Variants in RPS6KA3 observed in about 807,000 individuals in gnomAD.
RPS6KA3 encodes ribosomal protein S6 kinase A3.
A neutral mutation model predicts 67.2 loss-of-function variants in RPS6KA3; 4 were observed. That is an observed-to-expected ratio of 0.06 (90% confidence interval 0.03 to 0.14). RPS6KA3 has a LOEUF of 0.14. Among genes scored for constraint, RPS6KA3 ranks in the 10% least tolerant of loss-of-function variants. The pLI, the probability that RPS6KA3 is intolerant of heterozygous loss-of-function variation, is 1.00. For missense variants in RPS6KA3, 204 were observed against 559.0 expected, an observed-to-expected ratio of 0.36 and a Z score of 6.40; for synonymous variants, 182 against 183.7, an observed-to-expected ratio of 0.99 and a Z score of 0.07.
intron 4 of RPS6KA3, among the ~76,000 whole-genome samples, chrX:20,196,679 C>T (rs2068280447): frequency 8.9e-6 from 1 of 111,923 alleles, no homozygotes; most frequent in Admixed American, 9.5e-5. Flanking sequence ...TTTCATACCA[C>T]TGACTGAAAA....
intron 16 of RPS6KA3, among the ~76,000 whole-genome samples, chrX:20,168,010 G>T (rs2067483506): frequency 8.9e-6 from 1 of 111,870 alleles, no homozygotes; most frequent in Non-Finnish European, 1.9e-5. Context: ...ACCACACCTG[G>T]CTAATTTTTG....
chrX:20,194,087 G>A (rs1264127992), intron 6 of RPS6KA3, 102 bp downstream of exon 6: 3 of 526,091 alleles, frequency 5.7e-6, no homozygotes, highest in Non-Finnish European at 9.7e-6. Context: ...AGAATCTTGT[G>A]CCACTAGAGA....
chrX:20,159,011 A>G (rs1048210408), intron 20 of RPS6KA3, among the ~76,000 whole-genome samples: 1 of 112,076 alleles, frequency 8.9e-6, no homozygotes, highest in Non-Finnish European at 1.9e-5. Context: ...TCCTCTCAAA[A>G]CTACTTCTTT....
At chrX:20,264,130 T>C (rs1443021938) in intron 1 of RPS6KA3, among the ~76,000 whole-genome samples, 4 of 112,237 alleles carry the variant, frequency 3.6e-5, no homozygotes, top group African/African-American at 1.3e-4. Flanking sequence ...TTACTTGAAA[T>C]AGCTGAACAA....
intron 2 of RPS6KA3, among the ~76,000 whole-genome samples, chrX:20,230,860 T>C (rs1187443417): frequency 4.5e-5 from 5 of 111,492 alleles, no homozygotes; most frequent in Non-Finnish European, 5.7e-5. Flanking sequence ...ATGGAAAACA[T>C]AGCAGAAAAA....
chrX:20,160,431 TTTTA>T (rs2067279212), intron 20 of RPS6KA3, among the ~76,000 whole-genome samples: 1 of 111,710 alleles, frequency 9.0e-6, no homozygotes, highest in Non-Finnish European at 1.9e-5. Context: ...ATTTATTTAT[TTTTA>T]TTTATTTTTT....
intron 21 of RPS6KA3, 74 bp from the exon 22 acceptor site, chrX:20,155,594 GT>G: frequency 9.4e-7 from 1 of 1,059,793 alleles, no homozygotes; most frequent in Non-Finnish European, 1.3e-6. Context: ...AAAATGAAGA[GT>G]TTTTTCATAT....
intron 2 of RPS6KA3, among the ~76,000 whole-genome samples, chrX:20,232,067 A>C (rs188206102): frequency 1.0e-3 from 118 of 112,389 alleles, no homozygotes; most frequent in African/African-American, 3.4e-3. Flanking sequence ...GGTTAGGATA[A>C]CAGGCTATCT....
chrX:20,229,896 G>A lies in RPS6KA3; in HGVS notation c.126+4862C>T, dbSNP rs1306316925. On this transcript the variant is annotated intron_variant, in intron 2 of 21. Coordinates refer to ENST00000379565, the MANE Select transcript of RPS6KA3 (RefSeq NM_004586.3). Reference sequence around the variant, plus strand: ...TGTCTCTAGAATGCAGGTTCTTGCAGATGTAAATGCTACTAAAGCCATGAG... The same window carrying A: ...TGTCTCTAGAATGCAGGTTCTTGCAAATGTAAATGCTACTAAAGCCATGAG... 2.7e-5 allele frequency among the ~76,000 whole-genome samples: 3 copies of A among 112,145 alleles called. No individual in the cohort carries two copies. In the Admixed American group the frequency reaches 2.8e-4, roughly 11 times the overall value.
chrX:20,182,045 T>C lies in RPS6KA3; in HGVS notation c.845+4251A>G, dbSNP rs187946006. 1.8e-3 allele frequency among the ~76,000 whole-genome samples: 201 copies of C among 111,696 alleles called. 1 individual carries two copies. The highest frequency in any genetic ancestry group is 6.4e-3 in the African/African-American group (196 of 30,759). On this transcript the variant is annotated intron_variant, in intron 10 of 21. Transcript: ENST00000379565. ...ACATTCATTTATGTAGCACATCTTT[T>C]TAGACCTTTTATATTGTGTAGAATA...
At chrX:20,209,601 T>C (rs1463745183) in intron 2 of RPS6KA3, among the ~76,000 whole-genome samples, 197 bp from the exon 3 acceptor site, 3 of 111,914 alleles carry the variant, frequency 2.7e-5, no homozygotes, top group Non-Finnish European at 5.6e-5. Flanking sequence ...CACACACATA[T>C]ACTTTCAGGT....
At chrX:20,186,897 G>A (rs112400659) in intron 9 of RPS6KA3, among the ~76,000 whole-genome samples, 2,553 of 111,809 alleles carry the variant, frequency 0.023, 78 homozygotes, top group African/African-American at 0.079. Context: ...GCAGTGGCAC[G>A]ATCTTCACTC....
chrX:20,253,133 C>T (rs1490569688), intron 1 of RPS6KA3, among the ~76,000 whole-genome samples: 1 of 106,757 alleles, frequency 9.4e-6, no homozygotes, highest in Non-Finnish European at 1.9e-5. Flanking sequence ...AACCAAAGTG[C>T]TGTCTGCTTT....
chrX:20,174,638 C>T (rs1174400895), intron 14 of RPS6KA3, among the ~76,000 whole-genome samples: 1 of 110,135 alleles, frequency 9.1e-6, no homozygotes, highest in Admixed American at 9.7e-5. Context: ...TGAGCCACCG[C>T]ACCTGGCCTA....
intron 2 of RPS6KA3, among the ~76,000 whole-genome samples, chrX:20,210,673 C>T (rs1180301144): frequency 9.0e-6 from 1 of 111,639 alleles, no homozygotes; most frequent in Non-Finnish European, 1.9e-5. Context: ...TGTAGGTTAT[C>T]CTACTACTTA....
At chrX:20,222,506 T>G (rs2069009278) in intron 2 of RPS6KA3, among the ~76,000 whole-genome samples, 1 of 111,785 alleles carries the variant, frequency 8.9e-6, no homozygotes, top group Non-Finnish European at 1.9e-5. Flanking sequence ...ATCTCAAAAA[T>G]AAACCTAAAA....
chrX:20,187,720 T>A, intron 9 of RPS6KA3, 108 bp downstream of exon 9: 1 of 666,977 alleles, frequency 1.5e-6, no homozygotes, highest in Non-Finnish European at 2.5e-6. Flanking sequence ...ATTTATTACA[T>A]ATGGCATAAA....
intron 4 of RPS6KA3, chrX:20,203,699 A>T (rs190302378): frequency 5.4e-6 from 1 of 183,598 alleles, no homozygotes; most frequent in East Asian, 1.1e-4. Context: ...CAGCCAGTAA[A>T]TCAGTACGTT....
intron 10 of RPS6KA3, among the ~76,000 whole-genome samples, chrX:20,183,244 A>G (rs180839317): frequency 1.8e-3 from 200 of 110,912 alleles, no homozygotes; most frequent in African/African-American, 6.2e-3. Context: ...ATCTTGCTCT[A>G]TTACCCAGGC....
Sources: allele counts gnomAD v4.1 joint callset (sites outside exome capture counted in the v4.1 genomes callset), GRCh38; gene constraint gnomAD v4.1.1; transcripts MANE v1.5; gene names NCBI Gene and HGNC (gene_info 2026-07-23, HGNC 2026-07-21).